IFNAR1: variants seen among roughly 807,000 people sequenced by gnomAD.
The protein encoded by IFNAR1 is interferon alpha/beta receptor 1.
Under a neutral mutation model 62.1 loss-of-function variants are expected in IFNAR1, and 47 were observed. The ratio of observed to expected loss-of-function variants is 0.76; its 90% CI spans 0.60 to 0.97. The LOEUF is 0.97. Among genes scored for constraint, IFNAR1 ranks in the 50% least tolerant of loss-of-function variants. The pLI is 0.00. For missense variants in IFNAR1, 638 were observed against 654.5 expected (o/e 0.97, Z 0.27); for synonymous variants, 219 against 226.9 (o/e 0.97, Z 0.31).
At position 33,332,878 on chromosome 21, in the gene IFNAR1, G is replaced by A. The variant is rs143649835; in HGVS notation, c.77-2646G>A. Among the ~76,000 whole-genome samples the A allele has an allele frequency of 2.1e-3, 327 of 152,200 alleles. 2 individuals are homozygous for A. The highest frequency in any genetic ancestry group is 7.4e-3 in the African/African-American group (306 of 41,524). On this transcript the variant is annotated intron_variant, in intron 1 of 10. Coordinates refer to ENST00000270139, the MANE Select transcript of IFNAR1 (RefSeq NM_000629.3). ...ATGGGACATCATTAAAGGAACAAAC[G>A]TTCATACTATGTAAGTTACAGAAAG...
chr21:33,340,736 T>C (rs2083285114), intron 2 of IFNAR1, among the ~76,000 whole-genome samples: 1 of 152,142 alleles, frequency 6.6e-6, no homozygotes, highest in Admixed American at 6.5e-5. Context: ...CAAAATTATA[T>C]AAAGAACTGT....
intron 10 of IFNAR1, among the ~76,000 whole-genome samples, chr21:33,354,793 T>C (rs939945508): frequency 1.3e-5 from 2 of 152,106 alleles, no homozygotes; most frequent in Non-Finnish European, 2.9e-5. Flanking sequence ...ATAAGAACCT[T>C]ACCACTCTAA....
chr21:33,340,850 G>A (rs1268872845), intron 2 of IFNAR1, 149 bp from the exon 3 acceptor site: 5 of 565,742 alleles, frequency 8.8e-6, no homozygotes, highest in Non-Finnish European at 1.6e-5. Flanking sequence ...TCAAGTAGAA[G>A]AAATAACTCT....
chr21:33,325,065 G>A lies in IFNAR1; in HGVS notation c.10G>A (p.Val4Ile), dbSNP rs2083112232. The A allele has an allele frequency of 6.2e-7, 1 of 1,606,232 alleles. No homozygotes were observed. Among genetic ancestry groups the A allele is most frequent in the Admixed American group, 1.7e-5 (1 of 58,740 alleles). The change falls in exon 1 of 11, where the codon GTC (valine) becomes ATC (isoleucine). Residue 4 changes from valine (V) to isoleucine (I), a missense_variant. By Grantham distance (29) the Val-to-Ile change is conservative (BLOSUM62 3). Coordinates refer to ENST00000270139, the MANE Select transcript of IFNAR1 (RefSeq NM_000629.3). Reference protein sequence around the residue: MMVVLLGATTLVLV... With the variant: MMVILLGATTLVLV... ...CTGCGGCGGCTCCCAGATGATGGTC[G>A]TCCTCCTGGGCGCGACGACCCTAGT...
rs2083378749 is a variant in IFNAR1, at chr21:33,349,296, G to A, written c.988+6G>A. On this transcript the variant is annotated splice_donor_region_variant and intron_variant, in intron 7 of 10. Coordinates refer to ENST00000270139, the MANE Select transcript of IFNAR1 (RefSeq NM_000629.3). ...GTTTGATACTGAAATACAAGGTAAG[G>A]CAGTAGTTTTTACTGGAGATTGTAA... The A allele has an allele frequency of 1.9e-6, 3 of 1,585,438 alleles. No homozygotes were observed. Among genetic ancestry groups the A allele is most frequent in the Admixed American group, 1.8e-5 (1 of 56,492 alleles).
chr21:33,331,041 T>C lies in IFNAR1; in HGVS notation c.77-4483T>C, dbSNP rs2083174107. ...GAACTACTTCTGGAGTGTGTCTTGCTTCGGGGACTTGTAGCCATGGCTTCC... is the reference window on the plus strand; with the variant it reads ...GAACTACTTCTGGAGTGTGTCTTGCCTCGGGGACTTGTAGCCATGGCTTCC... On this transcript the variant is annotated intron_variant, in intron 1 of 10. Coordinates refer to ENST00000270139, the MANE Select transcript of IFNAR1 (RefSeq NM_000629.3). 3.3e-5 allele frequency among the ~76,000 whole-genome samples: 5 copies of C among 152,210 alleles called. No homozygotes were observed. In the South Asian group the frequency reaches 1.0e-3, roughly 31 times the overall value.
rs1337056453 is a variant in IFNAR1 at position 33,334,578 on chromosome 21, G to A, written c.77-946G>A. 7.0e-6 allele frequency: 4 copies of A among 569,400 alleles called. No homozygotes were observed. The East Asian group carries it at 1.3e-4, about 19-fold the overall frequency. The allele number at this position is 569,400 out of a possible 1,614,324, so 35.3% of individuals were successfully genotyped here. Reference sequence around the variant, plus strand: ...AACTGCCCTGCGAGAAATGCTTAAGGAAGTCCTGAAAGGTGAAATGAAAGG... The same window carrying A: ...AACTGCCCTGCGAGAAATGCTTAAGAAAGTCCTGAAAGGTGAAATGAAAGG... On this transcript the variant is annotated intron_variant, in intron 1 of 10. Transcript: ENST00000270139.
At chr21:33,353,596 G>T (rs754979806) in intron 9 of IFNAR1, 42 bp from the exon 10 acceptor site, 19 of 1,227,536 alleles carry the variant, frequency 1.5e-5, no homozygotes, top group Non-Finnish European at 2.2e-5. Flanking sequence ...TAAGGCATTT[G>T]TATGTCAAAA....
Position 33,343,397 on chromosome 21 carries a change from T to C in IFNAR1, c.506T>C (p.Ile169Thr), listed in dbSNP as rs781207884. The stretch of plus-strand genomic sequence containing the variant: ...TTAAGCTTTACATATAGCTTAGTTA[T>C]CTGGAAAAACTCTTCAGGTGTAGAA... Reference protein sequence around the residue: ...DGLSFTYSLVIWKNSSGVEER... With the variant: ...DGLSFTYSLVTWKNSSGVEER... The change falls in exon 4 of 11, where the codon ATC becomes ACC. Residue 169 changes from isoleucine (I) to threonine (T), a missense_variant. Coordinates refer to ENST00000270139, the MANE Select transcript of IFNAR1 (RefSeq NM_000629.3). The C allele has an allele frequency of 1.2e-6, 2 of 1,612,624 alleles. No individual in the cohort carries two copies. The highest frequency in any genetic ancestry group is 2.7e-5 in the African/African-American group (2 of 74,780).
rs542907296 is a variant in IFNAR1, at chr21:33,343,516, A to G, written c.532-19A>G. ...GACTTTATACTTTTTTAAAGAACCA[A>G]CTTATATTTGTGTTATAGGAAAGGA... On this transcript the variant is annotated intron_variant, in intron 4 of 10. Transcript: ENST00000270139. The G allele has an allele frequency of 1.3e-6, 2 of 1,536,664 alleles. No homozygotes were observed. Among genetic ancestry groups the G allele is most frequent in the Admixed American group, 1.8e-5 (1 of 55,834 alleles).
chr21:33,347,560 C>G (rs1433396398), intron 6 of IFNAR1, among the ~76,000 whole-genome samples: 2 of 152,184 alleles, frequency 1.3e-5, no homozygotes, highest in African/African-American at 2.4e-5. Flanking sequence ...AGCCACCATG[C>G]CTGGCCTAGA....
chr21:33,351,784 G>GGTT (rs2083400042), intron 8 of IFNAR1, among the ~76,000 whole-genome samples: 1 of 151,818 alleles, frequency 6.6e-6, no homozygotes, highest in African/African-American at 2.4e-5. Flanking sequence ...TGGTGGTGGT[G>GGTT]GTTGTTTTGG....
In IFNAR1 at chr21:33,336,711, A is replaced by G. The variant is rs541976543; in HGVS notation, c.200+1064A>G. On this transcript the variant is annotated intron_variant, in intron 2 of 10. Coordinates refer to ENST00000270139, the MANE Select transcript of IFNAR1 (RefSeq NM_000629.3). ...TTTCCTGTGATCAGGCTTTCCTATTATCTCCATGATATACTATATTTTAAT... is the reference window on the plus strand; with the variant it reads ...TTTCCTGTGATCAGGCTTTCCTATTGTCTCCATGATATACTATATTTTAAT... Among the ~76,000 whole-genome samples the G allele has an allele frequency of 1.2e-4, 18 of 148,632 alleles. No individual in the cohort carries two copies. In the South Asian group the frequency reaches 3.8e-3, roughly 31 times the overall value.
chr21:33,352,789 C>T lies in IFNAR1; in HGVS notation c.1175C>T (p.Thr392Ile), dbSNP rs757509762. 60 of 1,541,302 alleles carry T rather than the reference C, an allele frequency of 3.9e-5. No homozygotes were observed. The Middle Eastern group carries it at 1.4e-3, about 35-fold the overall frequency. Residue 392 changes from threonine to isoleucine, a missense_variant, in exon 9 of 11, where the codon ACA (threonine) becomes ATA (isoleucine). Physicochemically the swap from Thr to Ile is moderately conservative, Grantham distance 89. Coordinates refer to ENST00000270139, the MANE Select transcript of IFNAR1 (RefSeq NM_000629.3). ...RKIIEKKTDV[T>I]VPNLKPLTVY... is the part of the protein sequence containing the mutation. ...ATTATCGAGAAAAAAACTGATGTTA[C>T]AGTTCCTAATTTGAAACCACTGACT...
intron 10 of IFNAR1, among the ~76,000 whole-genome samples, chr21:33,354,934 C>T (rs1166524384): frequency 6.6e-6 from 1 of 152,004 alleles, no homozygotes; most frequent in African/African-American, 2.4e-5. Context: ...CCAATAATTT[C>T]TCAATTGTGC....
chr21:33,355,627 A>T lies in IFNAR1; in HGVS notation c.*78A>T. The stretch of plus-strand genomic sequence containing the variant: ...AGCCTGAGGTCCTCACCTTCCTCTC[A>T]GTAACTACAGAGAGGACGTTTCCCT... On this transcript the variant is annotated 3_prime_UTR_variant, in exon 11 of 11. Coordinates refer to ENST00000270139, the MANE Select transcript of IFNAR1 (RefSeq NM_000629.3). 1.4e-6 allele frequency: 1 copy of T among 701,088 alleles called. No homozygotes were observed. The allele number at this position is 701,088 out of a possible 1,614,324, so 43.4% of individuals were successfully genotyped here.
intron 1 of IFNAR1, among the ~76,000 whole-genome samples, chr21:33,330,253 G>A (rs2083163413): frequency 1.3e-5 from 2 of 152,168 alleles, no homozygotes; most frequent in African/African-American, 2.4e-5. Context: ...GCAAAGAGAT[G>A]GGCGGTTGTT....
rs2123287875 is a variant in IFNAR1 at position 33,359,762 on chromosome 21, TC to T, written c.*4216del. On this transcript the variant is annotated 3_prime_UTR_variant, in exon 11 of 11. Coordinates refer to ENST00000270139, the MANE Select transcript of IFNAR1 (RefSeq NM_000629.3). ...GAACACACACTTGTGTTTTTAAGCT[TC>T]CCTTTTTTACAGTGGACAAGGACAC... 6.6e-6 allele frequency: 1 copy of T among 152,252 alleles called. No individual in the cohort carries two copies. The highest frequency in any genetic ancestry group is 2.4e-5 in the African/African-American group (1 of 41,546). 9.4% of individuals were successfully genotyped at this position (152,252 alleles called of 1,614,324 possible).
rs761126583 is a variant in IFNAR1 at position 33,343,572 on chromosome 21, A to G, written c.569A>G (p.Tyr190Cys). The G allele has an allele frequency of 1.3e-6, 2 of 1,550,360 alleles. No individual in the cohort carries two copies. The highest frequency in any genetic ancestry group is 1.8e-6 in the Non-Finnish European group (2 of 1,124,194). Residue 190 changes from tyrosine to cysteine, a missense_variant, in exon 5 of 11, where the codon TAT becomes TGT. Physicochemically the swap from Tyr to Cys is radical, Grantham distance 194 (BLOSUM62 -2). Coordinates refer to ENST00000270139, the MANE Select transcript of IFNAR1 (RefSeq NM_000629.3). The stretch of plus-strand genomic sequence containing the variant: ...AATATTTATTCCAGACATAAAATTT[A>G]TAAACTCTCACCAGAGACTACTTAT... ...IENIYSRHKI[Y>C]KLSPETTYCL... is the part of the protein sequence containing the mutation.
Sources: gnomAD v4.1 joint callset for allele counts (sites outside exome capture counted in the v4.1 genomes callset) on GRCh38, gnomAD v4.1.1 for gene constraint, MANE v1.5 for transcripts, NCBI Gene and HGNC (gene_info 2026-07-23, HGNC 2026-07-21) for gene names.